The following DPH6 variants were observed in gnomAD, a reference collection of about 807,000 sequenced individuals.
The protein encoded by DPH6 is diphthamine biosynthesis 6.
Under a neutral mutation model 38.2 loss-of-function variants are expected in DPH6, and 33 were observed. The ratio of observed to expected loss-of-function variants is 0.86; its 90% CI spans 0.65 to 1.15. The LOEUF (loss-of-function observed/expected upper bound fraction) is 1.15, where lower values mean the gene tolerates loss of function less well. Ranked by LOEUF, DPH6 falls within the 50% of genes most tolerant of loss-of-function variation. DPH6 has a pLI of 0.00. For synonymous variants in DPH6, 108 were observed against 103.0 expected, an observed-to-expected ratio of 1.05 and a Z score of -0.30; for missense variants, 325 against 320.0, an observed-to-expected ratio of 1.02 and a Z score of -0.12.
chr15:35,350,073 T>C (rs1165740361), intron 3 of DPH6, among the ~76,000 whole-genome samples: 1 of 152,154 alleles, frequency 6.6e-6, no homozygotes, highest in African/African-American at 2.4e-5. Flanking sequence ...AAGTCACTGG[T>C]CCTAAGCTTT....
chr15:35,350,798 T>C (rs532525667), intron 3 of DPH6, among the ~76,000 whole-genome samples: 5 of 152,302 alleles, frequency 3.3e-5, no homozygotes, highest in African/African-American at 1.2e-4. Context: ...AGAAGATAGA[T>C]GGTATGATTT....
intron 3 of DPH6, among the ~76,000 whole-genome samples, chr15:35,261,155 C>T (rs1273553013): frequency 2.0e-5 from 3 of 152,128 alleles, no homozygotes; most frequent in Non-Finnish European, 1.5e-5. Flanking sequence ...AATGAGATGC[C>T]CCAAACACAT....
intron 6 of DPH6, among the ~76,000 whole-genome samples, chr15:35,387,902 G>A (rs572016946): frequency 1.1e-4 from 17 of 152,110 alleles, no homozygotes; most frequent in African/African-American, 4.1e-4. Flanking sequence ...GGTGAGAGAG[G>A]GCATCCCTGT....
intron 3 of DPH6, among the ~76,000 whole-genome samples, chr15:35,254,908 G>A (rs1173431970): frequency 6.6e-6 from 1 of 152,146 alleles, no homozygotes; most frequent in East Asian, 1.9e-4. Flanking sequence ...GAATTACAAA[G>A]AACCTTCTTA....
chr15:35,366,269 T>A (rs2052658728), downstream of DPH6, among the ~76,000 whole-genome samples: 1 of 151,456 alleles, frequency 6.6e-6, no homozygotes, highest in Non-Finnish European at 1.5e-5. Context: ...TGTGTATACA[T>A]ATAAAATTTT....
chr15:35,267,185 G>T (rs978377068), intron 3 of DPH6, among the ~76,000 whole-genome samples: 1 of 152,168 alleles, frequency 6.6e-6, no homozygotes, highest in Non-Finnish European at 1.5e-5. Flanking sequence ...GGCTGCCAAG[G>T]GCTTGCTTCC....
intron 6 of DPH6, among the ~76,000 whole-genome samples, chr15:35,399,884 T>C (rs555989453): frequency 1.3e-5 from 2 of 152,352 alleles, no homozygotes; most frequent in South Asian, 2.1e-4. Context: ...AGAAATCTCT[T>C]GGAGAATGTG....
At chr15:35,307,609 A>T (rs999706835) in intron 3 of DPH6, among the ~76,000 whole-genome samples, 1 of 152,216 alleles carries the variant, frequency 6.6e-6, no homozygotes, top group Admixed American at 6.5e-5. Context: ...TTACTTGTAT[A>T]TAAAACAATA....
chr15:35,251,714 A>C (rs747400640), intron 3 of DPH6, among the ~76,000 whole-genome samples: 8 of 152,080 alleles, frequency 5.3e-5, no homozygotes, highest in Non-Finnish European at 1.0e-4. Context: ...TTGACTCATA[A>C]AATCTCAAAC....
chr15:35,417,982 C>T (rs746458196), intron 5 of DPH6, among the ~76,000 whole-genome samples: 1 of 152,072 alleles, frequency 6.6e-6, no homozygotes, highest in East Asian at 1.9e-4. Flanking sequence ...AAAGCCACAA[C>T]AGCTCATGGG....
At chr15:35,450,463 A>C (rs1292686398) in intron 5 of DPH6, among the ~76,000 whole-genome samples, 3 of 151,944 alleles carry the variant, frequency 2.0e-5, no homozygotes, top group African/African-American at 7.2e-5. Context: ...TGTTAAAAAA[A>C]AAAAAAAAAG....
At chr15:35,314,285 C>T (rs1023662954) in intron 3 of DPH6, among the ~76,000 whole-genome samples, 5 of 151,978 alleles carry the variant, frequency 3.3e-5, no homozygotes, top group African/African-American at 9.7e-5. Context: ...TATTGGAATA[C>T]GTTTTTAAAT....
At chr15:35,423,929 T>C (rs1459672417) in intron 5 of DPH6, among the ~76,000 whole-genome samples, 1 of 151,760 alleles carries the variant, frequency 6.6e-6, no homozygotes, top group East Asian at 1.9e-4. Flanking sequence ...TTGGTCTCTA[T>C]ACTTGTTTTT....
chr15:35,426,780 AG>A (rs2053575034), intron 5 of DPH6, among the ~76,000 whole-genome samples: 1 of 151,600 alleles, frequency 6.6e-6, no homozygotes, highest in Non-Finnish European at 1.5e-5. Context: ...CCAGGTTTCT[AG>A]GAAGACATAT....
intron 3 of DPH6, among the ~76,000 whole-genome samples, chr15:35,257,788 G>GTGTGTGTGTGTGTT (rs1187635952): frequency 6.6e-6 from 1 of 151,932 alleles, no homozygotes; most frequent in Non-Finnish European, 1.5e-5. Context: ...GTGTGTGTGT[G>GTGTGTGTGTGTGTT]TGTGTGTGCA....
chr15:35,319,162 A>T (rs1323527402), intron 3 of DPH6, among the ~76,000 whole-genome samples: 1 of 152,210 alleles, frequency 6.6e-6, no homozygotes, highest in Non-Finnish European at 1.5e-5. Flanking sequence ...GGACAAGGCA[A>T]TCTACTGAGG....
rs900665156 is a variant in DPH6 at position 35,276,923 on chromosome 15, G to C, written n.201-56341C>G. On this transcript the variant is annotated intron_variant and non_coding_transcript_variant, in intron 3 of 3. Coordinates refer to the DPH6 transcript ENST00000560386. ...CTTTGGATATGTGGGCTCTTTTTTGGTTCCATATGAATTTTAGGATTTTTT... is the reference window on the plus strand; with the variant it reads ...CTTTGGATATGTGGGCTCTTTTTTGCTTCCATATGAATTTTAGGATTTTTT... 2.0e-5 allele frequency among the ~76,000 whole-genome samples: 3 copies of C among 152,004 alleles called. No homozygotes were observed. In the East Asian group the frequency reaches 5.8e-4, roughly 29 times the overall value.
chr15:35,351,095 A>G (rs1297178034), intron 3 of DPH6, among the ~76,000 whole-genome samples: 2 of 152,158 alleles, frequency 1.3e-5, no homozygotes, highest in East Asian at 1.9e-4. Flanking sequence ...CTTGCTGTAT[A>G]TATTCACCTA....
intron 3 of DPH6, chr15:35,237,921 TGA>T (rs2051567106): frequency 7.2e-7 from 1 of 1,395,132 alleles, no homozygotes; most frequent in African/African-American, 1.4e-5. Flanking sequence ...GAGGAGGACG[TGA>T]GTGGAGAGGA....
Sources: allele counts gnomAD v4.1 joint callset (sites outside exome capture counted in the v4.1 genomes callset), GRCh38; gene constraint gnomAD v4.1.1; transcripts MANE v1.5; gene names NCBI Gene and HGNC (gene_info 2026-07-23, HGNC 2026-07-21).